The following LPP variants were observed in gnomAD, a reference collection of about 807,000 sequenced individuals.
LPP encodes lipoma-preferred partner.
In LPP, 38 loss-of-function variants were observed where a neutral mutation model predicts 60.4. That is an observed-to-expected ratio of 0.63 (90% CI 0.49 to 0.83). The LOEUF (loss-of-function observed/expected upper bound fraction) is 0.83. LPP is among the 40% of genes least tolerant of loss of function. LPP has a pLI of 0.00. For synonymous variants in LPP, 328 were observed against 290.8 expected (o/e 1.13, Z -1.30); for missense variants, 902 against 783.6 (o/e 1.15, Z -1.80).
At chr3:188,240,772 C>T (rs1724268537) in intron 2 of LPP, among the ~76,000 whole-genome samples, 1 of 152,220 alleles carries the variant, frequency 6.6e-6, no homozygotes, top group Non-Finnish European at 1.5e-5. Flanking sequence ...GAGGGGCGAG[C>T]TCCAAATGCA....
intron 6 of LPP, among the ~76,000 whole-genome samples, chr3:188,538,514 G>A (rs1040017444): frequency 1.3e-5 from 2 of 152,128 alleles, no homozygotes; most frequent in Non-Finnish European, 2.9e-5. Context: ...TCACTAAGGT[G>A]GCTATAATAA....
intron 1 of LPP, chr3:188,179,090 G>C (rs867334774): frequency 3.0e-6 from 1 of 331,800 alleles, no homozygotes; most frequent in Non-Finnish European, 6.0e-6. Flanking sequence ...GGGAGGGAGA[G>C]AGACAGAGAG....
chr3:188,257,780 A>G (rs1439023585), intron 2 of LPP, among the ~76,000 whole-genome samples: 1 of 152,244 alleles, frequency 6.6e-6, no homozygotes, highest in East Asian at 1.9e-4. Context: ...CGTGCAAGAC[A>G]TGTGTTTTCT....
chr3:188,551,106 T>C (rs1828008542), intron 6 of LPP, among the ~76,000 whole-genome samples: 1 of 152,190 alleles, frequency 6.6e-6, no homozygotes. Flanking sequence ...TTCACACCGC[T>C]GATAAGGACA....
intron 2 of LPP, among the ~76,000 whole-genome samples, chr3:188,241,583 TTATAA>T (rs1291693676): frequency 6.6e-6 from 1 of 152,204 alleles, no homozygotes; most frequent in Non-Finnish European, 1.5e-5. Context: ...TGAGACCGTG[TTATAA>T]TATACTTGAG....
intron 9 of LPP, among the ~76,000 whole-genome samples, chr3:188,765,861 CTTTT>C (rs71169019): frequency 0.2 from 17,710 of 90,102 alleles, 1,421 homozygotes; most frequent in South Asian, 0.34. Flanking sequence ...ATGTTCAACT[CTTTT>C]TTTTTTTTTT....
rs397937503 is a variant in LPP at position 188,288,522 on chromosome 3, C to CA, written c.-66-53141_-66-53140insA. 3.3e-5 allele frequency among the ~76,000 whole-genome samples: 5 copies of CA among 151,818 alleles called. No individual in the cohort carries two copies. The South Asian group carries it at 8.3e-4, about 25-fold the overall frequency. ...CCAGTCCTGTCTCAGCATTGCTCCC[C>CA]TTCACGTCGTTGTCCAGAGCTCCTG... is the stretch of plus-strand genomic sequence containing the variant. On this transcript the variant is annotated intron_variant, in intron 2 of 11. Coordinates refer to ENST00000617246, the MANE Select transcript of LPP (RefSeq NM_001375462.1).
chr3:188,813,037 G>T (rs1397020052), intron 9 of LPP, among the ~76,000 whole-genome samples: 3 of 152,078 alleles, frequency 2.0e-5, no homozygotes, highest in Non-Finnish European at 4.4e-5. Context: ...CACTCACTCA[G>T]TATGAAGTTT....
intron 5 of LPP, among the ~76,000 whole-genome samples, chr3:188,506,359 A>G (rs1261246783): frequency 6.6e-6 from 1 of 152,214 alleles, no homozygotes; most frequent in African/African-American, 2.4e-5. Context: ...AGTAAAGGCT[A>G]CTATGAGTCA....
chr3:188,576,905 T>G (rs1834753368), intron 6 of LPP, among the ~76,000 whole-genome samples: 1 of 152,192 alleles, frequency 6.6e-6, no homozygotes, highest in South Asian at 2.1e-4. Context: ...ACTTGTAAAA[T>G]AATTTGTTTT....
At chr3:188,452,022 G>GT (rs1220235603) in intron 4 of LPP, among the ~76,000 whole-genome samples, 3 of 152,196 alleles carry the variant, frequency 2.0e-5, no homozygotes, top group South Asian at 2.1e-4. Context: ...CCCTTGGTTT[G>GT]TTTTTTTGTG....
At chr3:188,427,412 G>A (rs1789685585) in intron 4 of LPP, among the ~76,000 whole-genome samples, 1 of 151,826 alleles carries the variant, frequency 6.6e-6, no homozygotes, top group Non-Finnish European at 1.5e-5. Context: ...AACCTTGGTG[G>A]GGTAACCCAA....
At chr3:188,518,001 G>C (rs1174644160) in intron 5 of LPP, among the ~76,000 whole-genome samples, 1 of 152,080 alleles carries the variant, frequency 6.6e-6, no homozygotes, top group Non-Finnish European at 1.5e-5. Context: ...CTCACCATAT[G>C]ACATGCTGCC....
intron 7 of LPP, among the ~76,000 whole-genome samples, chr3:188,632,081 AT>A (rs1480782893): frequency 3.9e-5 from 6 of 152,202 alleles, no homozygotes; most frequent in African/African-American, 1.4e-4. Flanking sequence ...ATTTAAAAGT[AT>A]TTATTTTACT....
At chr3:188,617,625 C>A (rs1305515852) in intron 7 of LPP, among the ~76,000 whole-genome samples, 1 of 152,140 alleles carries the variant, frequency 6.6e-6, no homozygotes, top group Non-Finnish European at 1.5e-5. Flanking sequence ...TAAAAGTTAT[C>A]ATCAGAATGG....
intron 1 of LPP, among the ~76,000 whole-genome samples, chr3:188,198,075 G>A (rs1443048769): frequency 6.6e-6 from 1 of 152,160 alleles, no homozygotes; most frequent in Admixed American, 6.5e-5. Flanking sequence ...TTGGTGAAAC[G>A]TAGCAAGCGA....
intron 7 of LPP, among the ~76,000 whole-genome samples, chr3:188,624,675 C>T (rs865838811): frequency 6.6e-6 from 1 of 151,270 alleles, no homozygotes; most frequent in Non-Finnish European, 1.5e-5. Context: ...CTTCCTTCCC[C>T]TCCCTCCCTC....
intron 9 of LPP, among the ~76,000 whole-genome samples, chr3:188,861,796 T>A (rs578189652): frequency 1.3e-5 from 2 of 152,336 alleles, no homozygotes; most frequent in South Asian, 4.1e-4. Context: ...TCACTGAGTT[T>A]TTTTGTTTTT....
At chr3:188,398,374 T>C (rs1781456628) in intron 3 of LPP, among the ~76,000 whole-genome samples, 1 of 152,246 alleles carries the variant, frequency 6.6e-6, no homozygotes, top group African/African-American at 2.4e-5. Flanking sequence ...GCCCAAGTCC[T>C]CTGCATCTAA....
Sources: gnomAD v4.1 joint callset for allele counts (sites outside exome capture counted in the v4.1 genomes callset) on GRCh38, gnomAD v4.1.1 for gene constraint, MANE v1.5 for transcripts, NCBI Gene and HGNC (gene_info 2026-07-23, HGNC 2026-07-21) for gene names.